The following RORA variants were observed in gnomAD, a reference collection of about 807,000 sequenced individuals.
RORA encodes the protein RAR related orphan receptor A.
RORA carries 7 observed loss-of-function variants against 69.5 expected under a neutral mutation model. The observed-to-expected ratio is 0.10, with a 90% confidence interval of 0.06 to 0.19. The LOEUF (loss-of-function observed/expected upper bound fraction) is 0.19. Among genes scored for constraint, RORA ranks in the 10% least tolerant of loss-of-function variants. RORA has a pLI of 1.00. For missense variants in RORA, 457 were observed against 663.0 expected, an observed-to-expected ratio of 0.69 and a Z score of 3.41; for synonymous variants, 261 against 240.8, an observed-to-expected ratio of 1.08 and a Z score of -0.78.
intron 2 of RORA, chr15:60,615,153 A>G (rs540360275): frequency 3.8e-5 from 46 of 1,215,692 alleles, no homozygotes; most frequent in Non-Finnish European, 5.2e-5. Flanking sequence ...GTGTTTCCTC[A>G]TCTTAGTGCT....
chr15:60,655,466 A>T (rs747548932), intron 2 of RORA, among the ~76,000 whole-genome samples: 1 of 152,132 alleles, frequency 6.6e-6, no homozygotes, highest in Non-Finnish European at 1.5e-5. Context: ...GTTTCCAGGG[A>T]CTCAAAGCTC....
intron 1 of RORA, among the ~76,000 whole-genome samples, chr15:61,111,005 A>C (rs748238117): frequency 6.6e-6 from 1 of 152,140 alleles, no homozygotes; most frequent in Non-Finnish European, 1.5e-5. Flanking sequence ...ACTTCCACAA[A>C]TGTTCCTGGC....
chr15:60,764,055 A>T (rs1304232573), intron 1 of RORA: 1 of 152,190 alleles, frequency 6.6e-6, no homozygotes, highest in African/African-American at 2.4e-5. Flanking sequence ...GCAATAAAAG[A>T]ACCCGTTTTG....
intron 2 of RORA, among the ~76,000 whole-genome samples, chr15:60,560,936 C>G (rs1174330735): frequency 6.6e-6 from 1 of 151,970 alleles, no homozygotes; most frequent in Non-Finnish European, 1.5e-5. Context: ...CAGAGACAAC[C>G]AAGTCTTTAA....
chr15:61,136,724 G>A (rs2079243588), intron 1 of RORA, among the ~76,000 whole-genome samples: 1 of 152,190 alleles, frequency 6.6e-6, no homozygotes, highest in Admixed American at 6.5e-5. Context: ...GGCTTGAAGT[G>A]AGGATGCTAA....
chr15:61,143,606 G>T (rs940852214), intron 1 of RORA, among the ~76,000 whole-genome samples: 1 of 152,142 alleles, frequency 6.6e-6, no homozygotes, highest in Non-Finnish European at 1.5e-5. Flanking sequence ...AAATAGTTCA[G>T]AAATAAACAT....
chr15:60,978,886 G>C (rs768294935), intron 1 of RORA, among the ~76,000 whole-genome samples: 15 of 150,688 alleles, frequency 1.0e-4, no homozygotes, highest in Middle Eastern at 3.4e-3. Flanking sequence ...CCTTATATCA[G>C]CACTACACTG....
At chr15:60,597,708 G>C (rs949589111) in intron 2 of RORA, among the ~76,000 whole-genome samples, 3 of 143,822 alleles carry the variant, frequency 2.1e-5, no homozygotes, top group Non-Finnish European at 3.0e-5. Flanking sequence ...GTCCAGGATA[G>C]TTTCACACTT....
At chr15:60,532,162 G>A (rs981009226) in intron 2 of RORA, among the ~76,000 whole-genome samples, 16 of 152,144 alleles carry the variant, frequency 1.1e-4, no homozygotes, top group African/African-American at 3.6e-4. Context: ...TCAGAGCAAA[G>A]CAGATACTGA....
chr15:60,930,369 C>T (rs1346180009), intron 1 of RORA, among the ~76,000 whole-genome samples: 4 of 152,140 alleles, frequency 2.6e-5, no homozygotes, highest in East Asian at 1.9e-4. Context: ...CTATATAAGC[C>T]GAGAGACAGA....
At chr15:60,582,866 T>C (rs1249109301) in intron 2 of RORA, among the ~76,000 whole-genome samples, 1 of 152,218 alleles carries the variant, frequency 6.6e-6, no homozygotes, top group Non-Finnish European at 1.5e-5. Flanking sequence ...TTCCCTGATG[T>C]TGACCCATGA....
At chr15:60,595,038 T>G (rs912020460) in intron 2 of RORA, among the ~76,000 whole-genome samples, 1 of 152,132 alleles carries the variant, frequency 6.6e-6, no homozygotes, top group African/African-American at 2.4e-5. Context: ...GGCTGTTTTT[T>G]TTTTTTAACC....
intron 1 of RORA, among the ~76,000 whole-genome samples, chr15:61,170,996 T>C (rs1247646232): frequency 1.3e-5 from 2 of 152,322 alleles, no homozygotes; most frequent in East Asian, 3.9e-4. Flanking sequence ...GTGACGACAG[T>C]AAGACTTAGG....
chr15:60,912,920 T>G (rs1476495018), intron 1 of RORA, among the ~76,000 whole-genome samples: 1 of 152,196 alleles, frequency 6.6e-6, no homozygotes, highest in African/African-American at 2.4e-5. Flanking sequence ...AATCCACACA[T>G]TATAAGCATC....
intron 2 of RORA, among the ~76,000 whole-genome samples, chr15:60,656,771 A>G (rs1843935929): frequency 6.6e-6 from 1 of 152,218 alleles, no homozygotes; most frequent in African/African-American, 2.4e-5. Flanking sequence ...CCCTGAGTTA[A>G]AAAGGAAGGA....
intron 1 of RORA, among the ~76,000 whole-genome samples, chr15:60,960,138 C>G (rs1566925613): frequency 6.6e-6 from 1 of 152,198 alleles, no homozygotes; most frequent in African/African-American, 2.4e-5. Context: ...AGCCACCTGG[C>G]TTTACCTCCC....
chr15:60,692,516 A>G (rs564756890), intron 1 of RORA, among the ~76,000 whole-genome samples: 1 of 152,368 alleles, frequency 6.6e-6, no homozygotes, highest in South Asian at 2.1e-4. Flanking sequence ...GGAGAATGTG[A>G]GAGCACTGGG....
rs1226606198 is a variant in RORA, at chr15:60,592,929, C to G, written c.197-61078G>C. 6.6e-6 allele frequency: 3 copies of G among 455,750 alleles called. No homozygotes were observed. The Admixed American group carries it at 7.1e-5, about 11-fold the overall frequency. The allele number at this position is 455,750 out of a possible 1,614,324, so 28.2% of individuals were successfully genotyped here. A position where few individuals can be genotyped will look rare whatever the true frequency, so the allele number is the denominator to read the frequency against. ...CGACGCCACTCTCCCGCTGGCTTGC[C>G]GGAGCACTCGGGGGCGATAAATGCG... On this transcript the variant is annotated intron_variant, in intron 2 of 10. Transcript: ENST00000335670.
chr15:60,709,918 G>A (rs1248412609), intron 1 of RORA, among the ~76,000 whole-genome samples: 2 of 152,120 alleles, frequency 1.3e-5, no homozygotes, highest in Non-Finnish European at 2.9e-5. Context: ...GTTGGGGACT[G>A]TTGCTTTAGA....
Sources: gnomAD v4.1 joint callset for allele counts (sites outside exome capture counted in the v4.1 genomes callset) on GRCh38, gnomAD v4.1.1 for gene constraint, MANE v1.5 for transcripts, NCBI Gene and HGNC (gene_info 2026-07-23, HGNC 2026-07-21) for gene names.